Variants in LTBP1 observed in about 807,000 individuals in gnomAD.
LTBP1 encodes latent-transforming growth factor beta-binding protein 1.
LTBP1 carries 129 observed loss-of-function variants against 207.6 expected under a neutral mutation model. The ratio of observed to expected loss-of-function variants is 0.62; its 90% CI spans 0.54 to 0.72. The LOEUF is 0.72. LTBP1 is among the 30% of genes least tolerant of loss of function. The pLI is 0.00. For synonymous variants in LTBP1, 963 were observed against 833.7 expected, an observed-to-expected ratio of 1.16 and a Z score of -2.67; for missense variants, 2,281 against 2,217.2, an observed-to-expected ratio of 1.03 and a Z score of -0.58.
chr2:33,262,987 G>C (rs2093061653), intron 14 of LTBP1, among the ~76,000 whole-genome samples, 166 bp downstream of exon 14: 1 of 151,388 alleles, frequency 6.6e-6, no homozygotes, highest in African/African-American at 2.4e-5. Flanking sequence ...TTACAGCATT[G>C]TAAGGATTGT....
Position 33,293,226 on chromosome 2 carries a change from A to T in LTBP1, c.3179A>T (p.Tyr1060Phe), listed in dbSNP as rs769336049. 3 of 1,614,100 alleles carry T rather than the reference A, an allele frequency of 1.9e-6. No homozygotes were observed. Among genetic ancestry groups the T allele is most frequent in the East Asian group, 2.2e-5 (1 of 44,882 alleles). ...NGDCSNLEGS[Y>F]MCSCHKGYTR... The stretch of plus-strand genomic sequence containing the variant: ...GATTGTTCCAACCTTGAAGGCTCCT[A>T]CATGTGTTCATGCCACAAAGGCTAT... The change falls in exon 20 of 34, where the codon TAC becomes TTC. Residue 1060 changes from tyrosine to phenylalanine, a missense_variant. Coordinates refer to ENST00000404816, the MANE Select transcript of LTBP1 (RefSeq NM_206943.4).
chr2:33,328,332 C>A (rs1206862733), intron 24 of LTBP1, among the ~76,000 whole-genome samples: 1 of 152,140 alleles, frequency 6.6e-6, no homozygotes, highest in Admixed American at 6.5e-5. Context: ...GCACTTACCA[C>A]TATCCTGACT....
intron 24 of LTBP1, among the ~76,000 whole-genome samples, chr2:33,327,633 T>C (rs113745464): frequency 0.01 from 1,588 of 152,316 alleles, 20 homozygotes; most frequent in African/African-American, 0.036. Context: ...TATTAGAATG[T>C]CTTCCAATAA....
intron 24 of LTBP1, among the ~76,000 whole-genome samples, chr2:33,319,125 C>G (rs1439501880): frequency 6.6e-6 from 1 of 152,138 alleles, no homozygotes; most frequent in Admixed American, 6.5e-5. Flanking sequence ...TGACCAGGCA[C>G]AGTGGTTCAC....
Position 33,347,462 on chromosome 2 carries a change from C to G in LTBP1, c.3952C>G (p.Gln1318Glu). Residue 1318 changes from glutamine (Q) to glutamate (E), a missense_variant, in exon 26 of 34, where the codon CAA (glutamine) becomes GAA (glutamate). Gln to Glu is a conservative substitution (Grantham distance 29, BLOSUM62 2). Coordinates refer to ENST00000404816, the MANE Select transcript of LTBP1 (RefSeq NM_206943.4). The stretch of plus-strand genomic sequence containing the variant: ...CCTGTGCGTGTGTGCTGATGAAAAC[C>G]AAGAGTACAGCCCCATGACTGGGCA... ...SFLCVCADEN[Q>E]EYSPMTGQCR... 1 of 1,614,160 alleles carries G rather than the reference C, an allele frequency of 6.2e-7. No individual in the cohort carries two copies. The highest frequency in any genetic ancestry group is 8.5e-7 in the Non-Finnish European group (1 of 1,180,034).
At chr2:33,223,160 C>G (rs1372344385) in intron 9 of LTBP1, among the ~76,000 whole-genome samples, 1 of 152,140 alleles carries the variant, frequency 6.6e-6, no homozygotes, top group Non-Finnish European at 1.5e-5. Flanking sequence ...AAAGGAATAT[C>G]TTGATTACCT....
intron 3 of LTBP1, among the ~76,000 whole-genome samples, chr2:33,036,932 G>C (rs990343956): frequency 6.7e-6 from 1 of 150,278 alleles, no homozygotes. Flanking sequence ...CAGTGAACTC[G>C]TCAAAAAATG....
intron 31 of LTBP1, among the ~76,000 whole-genome samples, chr2:33,369,626 C>T (rs1322639109): frequency 6.6e-6 from 1 of 152,108 alleles, no homozygotes; most frequent in African/African-American, 2.4e-5. Flanking sequence ...GGCGGGATCT[C>T]AGCTCAGCGC....
chr2:33,314,187 C>T (rs2094229451), intron 23 of LTBP1, among the ~76,000 whole-genome samples: 2 of 152,128 alleles, frequency 1.3e-5, no homozygotes, highest in South Asian at 4.1e-4. Context: ...GTGTGGTAGG[C>T]ACTGCCCTGA....
intron 5 of LTBP1, among the ~76,000 whole-genome samples, chr2:33,178,393 A>C (rs1423237740): frequency 6.6e-6 from 1 of 152,252 alleles, no homozygotes; most frequent in East Asian, 1.9e-4. Context: ...ATAAATGAAC[A>C]GGAAGCTATA....
At chr2:33,376,440 G>T (rs1226304314) in intron 31 of LTBP1, among the ~76,000 whole-genome samples, 2 of 152,182 alleles carry the variant, frequency 1.3e-5, no homozygotes, top group Non-Finnish European at 2.9e-5. Context: ...GCCAGCTGAG[G>T]TTAGTGGCTG....
At chr2:33,078,658 C>T (rs774645356) in intron 3 of LTBP1, among the ~76,000 whole-genome samples, 4 of 152,098 alleles carry the variant, frequency 2.6e-5, no homozygotes, top group Middle Eastern at 3.2e-3. Context: ...AGTTTAACCA[C>T]AGGTAAGCTT....
intron 7 of LTBP1, among the ~76,000 whole-genome samples, chr2:33,194,372 C>G (rs1381586081): frequency 6.6e-6 from 1 of 152,092 alleles, no homozygotes; most frequent in Non-Finnish European, 1.5e-5. Flanking sequence ...AAAGCTAGGC[C>G]TTTGCATCAG....
chr2:33,363,928 G>A (rs887687557), intron 29 of LTBP1, among the ~76,000 whole-genome samples: 2 of 152,166 alleles, frequency 1.3e-5, no homozygotes, highest in Non-Finnish European at 2.9e-5. Flanking sequence ...AATTTTAAAA[G>A]TTATCATAAA....
chr2:33,040,665 T>C (rs138370212), intron 3 of LTBP1, among the ~76,000 whole-genome samples: 2 of 152,294 alleles, frequency 1.3e-5, no homozygotes, highest in Admixed American at 1.3e-4. Context: ...TGTCATATCC[T>C]CCCTTGAATG....
Position 33,170,774 on chromosome 2 carries a change from C to CT in LTBP1, c.1202-16081dup. 2.0e-5 allele frequency among the ~76,000 whole-genome samples: 3 copies of CT among 152,210 alleles called. 1 individual carries two copies. The highest frequency in any genetic ancestry group is 2.0e-4 in the Admixed American group (3 of 15,298). ...GGAGGCACCCCCCAGTAGGGGCAGA[C>CT]TGACACCTCACACGGCCGGGTACTC... On this transcript the variant is annotated intron_variant, in intron 5 of 33. Coordinates refer to ENST00000404816, the MANE Select transcript of LTBP1 (RefSeq NM_206943.4).
chr2:33,037,321 T>G (rs1019217768), intron 3 of LTBP1, among the ~76,000 whole-genome samples: 1 of 152,222 alleles, frequency 6.6e-6, no homozygotes, highest in African/African-American at 2.4e-5. Flanking sequence ...GCTGCAATTG[T>G]GTAGTAAGTC....
chr2:33,178,253 A>G (rs1218726101), intron 5 of LTBP1, among the ~76,000 whole-genome samples: 1 of 152,232 alleles, frequency 6.6e-6, no homozygotes, highest in Non-Finnish European at 1.5e-5. Flanking sequence ...AGAGAGCGAC[A>G]ATGACAGCAT....
intron 24 of LTBP1, among the ~76,000 whole-genome samples, chr2:33,317,520 C>T (rs112495579): frequency 2.6e-3 from 401 of 152,262 alleles, no homozygotes; most frequent in African/African-American, 9.2e-3. Flanking sequence ...GTGCTATGTC[C>T]TGATTTCTAC....
Sources: gnomAD v4.1 joint callset for allele counts (sites outside exome capture counted in the v4.1 genomes callset) on GRCh38, gnomAD v4.1.1 for gene constraint, MANE v1.5 for transcripts, NCBI Gene and HGNC (gene_info 2026-07-23, HGNC 2026-07-21) for gene names.